The following EYA4 variants were observed in gnomAD, a reference collection of about 807,000 sequenced individuals.
EYA4 encodes protein phosphatase EYA4.
In EYA4, 31 loss-of-function variants were observed where a neutral mutation model predicts 87.9. The ratio of observed to expected loss-of-function variants is 0.35; its 90% CI spans 0.27 to 0.48. The LOEUF (loss-of-function observed/expected upper bound fraction) is 0.48, where lower values mean the gene tolerates loss of function less well. Ranked by LOEUF, EYA4 falls within the 20% of genes least tolerant of loss-of-function variation. The pLI is 0.99. For missense variants in EYA4, 678 were observed against 761.4 expected, an observed-to-expected ratio of 0.89 and a Z score of 1.29; for synonymous variants, 263 against 270.6, an observed-to-expected ratio of 0.97 and a Z score of 0.28.
chr6:133,298,422 T>C (rs1227506369), intron 2 of EYA4, among the ~76,000 whole-genome samples: 1 of 151,976 alleles, frequency 6.6e-6, no homozygotes, highest in Non-Finnish European at 1.5e-5. Context: ...TGGGCCCTTT[T>C]AGTGGAAAGA....
chr6:133,257,501 C>T (rs34018528), intron 1 of EYA4, among the ~76,000 whole-genome samples: 9,700 of 152,224 alleles, frequency 0.064, 461 homozygotes, highest in South Asian at 0.11. Flanking sequence ...TATTATTTTA[C>T]ATCAGATTCG....
intron 3 of EYA4, among the ~76,000 whole-genome samples, chr6:133,440,442 C>T (rs779973886): frequency 5.9e-5 from 9 of 152,078 alleles, no homozygotes; most frequent in Non-Finnish European, 8.8e-5. Flanking sequence ...CATCCTGTGG[C>T]AGCTTCTTTT....
chr6:133,327,994 C>T (rs1353437285), intron 2 of EYA4, among the ~76,000 whole-genome samples: 1 of 152,144 alleles, frequency 6.6e-6, no homozygotes, highest in African/African-American at 2.4e-5. Context: ...GGATTATTTA[C>T]ATAACCAGTG....
At position 133,342,574 on chromosome 6, in the gene EYA4, CATATATATATATAT is replaced by C. The variant is rs56987430; in HGVS notation, c.34-39800_34-39787del. Among the ~76,000 whole-genome samples the C allele has an allele frequency of 3.6e-3, 364 of 100,494 alleles. 13 individuals carry two copies. The highest frequency in any genetic ancestry group is 0.014 in the African/African-American group (315 of 21,850). The allele number at this position is 100,494 out of a possible 152,430, so 65.9% of individuals were successfully genotyped here. A position where few individuals can be genotyped will look rare whatever the true frequency, so the allele number is the denominator to read the frequency against. On this transcript the variant is annotated intron_variant, in intron 2 of 19. Coordinates refer to ENST00000355286, the MANE Select transcript of EYA4 (RefSeq NM_004100.5). ...CCATCCAGTTTAAGGTACACACTGC[CATATATATATATAT>C]ATATATATATATATATAATTCTTTA...
chr6:133,516,190 A>T (rs1488244678), intron 17 of EYA4, among the ~76,000 whole-genome samples: 2 of 152,002 alleles, frequency 1.3e-5, no homozygotes, highest in Non-Finnish European at 2.9e-5. Context: ...AATGATGAGA[A>T]CTCATGGACA....
At chr6:133,392,782 G>A (rs1350815612) in intron 3 of EYA4, among the ~76,000 whole-genome samples, 1 of 152,152 alleles carries the variant, frequency 6.6e-6, no homozygotes, top group Non-Finnish European at 1.5e-5. Context: ...GTTCTTTAGA[G>A]ATGAGAAAAT....
At chr6:133,267,811 T>A (rs1776349701) in intron 1 of EYA4, among the ~76,000 whole-genome samples, 1 of 152,194 alleles carries the variant, frequency 6.6e-6, no homozygotes, top group African/African-American at 2.4e-5. Flanking sequence ...TATTCTGTAG[T>A]TTATATTTTA....
chr6:133,274,951 C>A, intron 2 of EYA4, 138 bp downstream of exon 2: 2 of 711,524 alleles, frequency 2.8e-6, no homozygotes, highest in Non-Finnish European at 4.8e-6. Flanking sequence ...CTTTCAAAGA[C>A]CATGAAACAG....
chr6:133,284,970 G>A (rs1777915634), intron 2 of EYA4, among the ~76,000 whole-genome samples: 1 of 151,016 alleles, frequency 6.6e-6, no homozygotes, highest in Admixed American at 6.6e-5. Context: ...GTAGGTGAAG[G>A]GACAGCTGTG....
At chr6:133,466,846 C>T (rs79334372) in intron 10 of EYA4, among the ~76,000 whole-genome samples, 2,215 of 150,814 alleles carry the variant, frequency 0.015, 47 homozygotes, top group East Asian at 0.072. Flanking sequence ...CAGAGATAGG[C>T]GGGGGCCTGC....
At chr6:133,292,139 C>T (rs550953186) in intron 2 of EYA4, among the ~76,000 whole-genome samples, 16 of 152,258 alleles carry the variant, frequency 1.1e-4, no homozygotes, top group Admixed American at 1.3e-4. Flanking sequence ...GTCCACTGGA[C>T]ATTTATATGG....
chr6:133,291,480 TA>T (rs1326451315), intron 2 of EYA4, among the ~76,000 whole-genome samples: 1 of 152,198 alleles, frequency 6.6e-6, no homozygotes. Flanking sequence ...CAAATTGATA[TA>T]AACATGATTT....
intron 1 of EYA4, among the ~76,000 whole-genome samples, chr6:133,271,525 G>A (rs1222951329): frequency 6.6e-6 from 1 of 152,174 alleles, no homozygotes; most frequent in African/African-American, 2.4e-5. Context: ...ATTCCAGTGA[G>A]GACAAACCTC....
At chr6:133,446,128 TG>T (rs1432605348) in intron 3 of EYA4, among the ~76,000 whole-genome samples, 1 of 152,110 alleles carries the variant, frequency 6.6e-6, no homozygotes, top group African/African-American at 2.4e-5. Context: ...TCTTCCATAT[TG>T]GTGGCAGGGG....
In EYA4 at chr6:133,525,588, C is replaced by T. The variant is rs115672667; in HGVS notation, c.1839+334C>T. ...AGATGCATATGTATATATTAATACA[C>T]ATACAATGTGCACAGATATAGATGA... On this transcript the variant is annotated intron_variant, in intron 19 of 19. Coordinates refer to ENST00000355286, the MANE Select transcript of EYA4 (RefSeq NM_004100.5). 6.8e-3 allele frequency among the ~76,000 whole-genome samples: 1,028 copies of T among 152,080 alleles called. 13 individuals carry two copies. Among genetic ancestry groups the T allele is most frequent in the African/African-American group, 0.023 (963 of 41,476 alleles).
Position 133,510,630 on chromosome 6 carries a change from C to T in EYA4, c.1282-2091C>T, listed in dbSNP as rs374010341. Reference sequence around the variant, plus strand: ...CCTCCTTTGGTTACAGTTTGGACTGCACTCCTTTCAGCCAATACTTGGTCA... The same window carrying T: ...CCTCCTTTGGTTACAGTTTGGACTGTACTCCTTTCAGCCAATACTTGGTCA... On this transcript the variant is annotated intron_variant, in intron 14 of 19. Coordinates refer to ENST00000355286, the MANE Select transcript of EYA4 (RefSeq NM_004100.5). 562 of 235,986 alleles carry T rather than the reference C, an allele frequency of 2.4e-3. 4 individuals are homozygous for T. Among genetic ancestry groups the T allele is most frequent in the South Asian group, 0.011 (211 of 19,012 alleles). The allele number at this position is 235,986 out of a possible 1,614,324, so 14.6% of individuals were successfully genotyped here.
At position 133,531,183 on chromosome 6, in the gene EYA4, A is replaced by G. The variant is rs934711269; in HGVS notation, c.*2378A>G. ...TCACCCCGTGCAGTTTCTCACACAC[A>G]TCTCTTTTTCTGATTCTGTGTTCAG... is the stretch of plus-strand genomic sequence containing the variant. On this transcript the variant is annotated 3_prime_UTR_variant, in exon 20 of 20. Coordinates refer to ENST00000355286, the MANE Select transcript of EYA4 (RefSeq NM_004100.5). The G allele has an allele frequency of 6.5e-7, 1 of 1,535,156 alleles. No homozygotes were observed. The highest frequency in any genetic ancestry group is 8.7e-7 in the Non-Finnish European group (1 of 1,146,778).
intron 3 of EYA4, among the ~76,000 whole-genome samples, chr6:133,397,028 G>A (rs995768631): frequency 6.6e-6 from 1 of 152,176 alleles, no homozygotes; most frequent in African/African-American, 2.4e-5. Flanking sequence ...AAAATGCAAG[G>A]CTTAGAAAAT....
chr6:133,495,790 CAAG>C (rs200357725), intron 13 of EYA4, among the ~76,000 whole-genome samples: 2,463 of 152,206 alleles, frequency 0.016, 80 homozygotes, highest in African/African-American at 0.055. Flanking sequence ...GTTTCTGATT[CAAG>C]AGGTTTGAGG....
Sources: allele counts gnomAD v4.1 joint callset (sites outside exome capture counted in the v4.1 genomes callset), GRCh38; gene constraint gnomAD v4.1.1; transcripts MANE v1.5; gene names NCBI Gene and HGNC (gene_info 2026-07-23, HGNC 2026-07-21).